Variants in NFIB observed in about 807,000 individuals in gnomAD.
NFIB encodes the protein nuclear factor I B.
In NFIB, 11 loss-of-function variants were observed where a neutral mutation model predicts 61.5. The observed-to-expected ratio is 0.18, with a 90% CI of 0.11 to 0.30. The LOEUF is 0.30. NFIB is among the 10% of genes least tolerant of loss of function. The pLI, the probability that NFIB is intolerant of heterozygous loss-of-function variation, is 1.00. For missense variants in NFIB, 471 were observed against 608.9 expected (o/e 0.77, Z 2.38); for synonymous variants, 260 against 216.5 (o/e 1.20, Z -1.76).
At chr9:14,309,153 C>A (rs1048884469) in intron 1 of NFIB, among the ~76,000 whole-genome samples, 1 of 152,130 alleles carries the variant, frequency 6.6e-6, no homozygotes, top group African/African-American at 2.4e-5. Context: ...GGAATAAATT[C>A]TATTTAACAG....
chr9:14,145,403 A>G (rs1282173362), intron 6 of NFIB, among the ~76,000 whole-genome samples: 1 of 152,142 alleles, frequency 6.6e-6, no homozygotes. Flanking sequence ...GTTGTGCTAA[A>G]GGAGGTACAC....
chr9:14,264,933 C>T (rs2057076292), intron 2 of NFIB, among the ~76,000 whole-genome samples: 1 of 152,076 alleles, frequency 6.6e-6, no homozygotes, highest in Non-Finnish European at 1.5e-5. Context: ...GCCTGACACC[C>T]GTCTACTCAT....
chr9:14,106,525 T>C (rs751209035), intron 10 of NFIB, among the ~76,000 whole-genome samples: 1 of 152,078 alleles, frequency 6.6e-6, no homozygotes, highest in Non-Finnish European at 1.5e-5. Context: ...CTGTGGTCTC[T>C]GGAAAGAGAA....
intron 1 of NFIB, among the ~76,000 whole-genome samples, chr9:14,345,799 C>G (rs1054914916): frequency 2.1e-4 from 32 of 152,162 alleles, no homozygotes; most frequent in Admixed American, 7.9e-4. Flanking sequence ...TTTATCCTCC[C>G]CCTCACCTGT....
At chr9:14,448,134 G>A in the NFIB span, among the ~76,000 whole-genome samples, 1 of 152,156 alleles carries the variant, frequency 6.6e-6, no homozygotes, top group Admixed American at 6.5e-5. Flanking sequence ...ATTATACAGT[G>A]TGAAAATATG....
At chr9:14,129,511 T>A (rs1287071724) in intron 6 of NFIB, among the ~76,000 whole-genome samples, 1 of 152,046 alleles carries the variant, frequency 6.6e-6, no homozygotes, top group African/African-American at 2.4e-5. Context: ...ATTTTAATCA[T>A]GAACCAAACT....
At chr9:14,150,696 G>C (rs149696593) in intron 4 of NFIB, among the ~76,000 whole-genome samples, 2 of 151,694 alleles carry the variant, frequency 1.3e-5, no homozygotes, top group Non-Finnish European at 2.9e-5. Context: ...ACAGAGAACC[G>C]TTTCACAAAA....
intron 2 of NFIB, among the ~76,000 whole-genome samples, chr9:14,289,940 C>T (rs1289649261): frequency 6.6e-6 from 1 of 152,012 alleles, no homozygotes; most frequent in Non-Finnish European, 1.5e-5. Flanking sequence ...TAGTTCCTTG[C>T]ATAAATAAAT....
intron 2 of NFIB, among the ~76,000 whole-genome samples, chr9:14,297,530 A>C (rs1027084598): frequency 6.6e-6 from 1 of 152,226 alleles, no homozygotes; most frequent in African/African-American, 2.4e-5. Context: ...ACAAACAAAC[A>C]AACCAGAAAG....
the NFIB span, among the ~76,000 whole-genome samples, chr9:14,491,309 G>T: frequency 6.6e-6 from 1 of 152,028 alleles, no homozygotes; most frequent in African/African-American, 2.4e-5. Flanking sequence ...AAAAAATCAA[G>T]AAACAGATTT....
At chr9:14,473,598 G>A in the NFIB span, among the ~76,000 whole-genome samples, 5 of 152,082 alleles carry the variant, frequency 3.3e-5, no homozygotes, top group African/African-American at 7.2e-5. Flanking sequence ...GTCTCTTATC[G>A]GGCTCCCATT....
chr9:14,530,912 AAAG>A, the NFIB span, among the ~76,000 whole-genome samples: 1 of 152,216 alleles, frequency 6.6e-6, no homozygotes, highest in Admixed American at 6.5e-5. Flanking sequence ...GAAGAAAAAA[AAAG>A]AAGAAAAAGA....
intron 1 of NFIB, among the ~76,000 whole-genome samples, chr9:14,381,774 C>T (rs528397128): frequency 6.6e-6 from 1 of 152,346 alleles, no homozygotes; most frequent in African/African-American, 2.4e-5. Context: ...AGTGGAAATT[C>T]ACGTTTACTA....
rs2061224717 is a variant in NFIB at position 14,360,402 on chromosome 9, C to G, written c.108+38122G>C. Among the ~76,000 whole-genome samples the G allele has an allele frequency of 3.3e-5, 5 of 152,136 alleles. No individual in the cohort carries two copies. In the South Asian group the frequency reaches 1.0e-3, roughly 31 times the overall value. ...AAGTAATTTTATTATTTTTCCTAAA[C>G]AGAATTTGGTTAATGCACAATTAAA... is the stretch of plus-strand genomic sequence containing the variant. On this transcript the variant is annotated intron_variant, in intron 1 of 8. Coordinates refer to the NFIB transcript ENST00000380934.
rs574984207 is a variant in NFIB at position 14,305,472 on chromosome 9, T to C, written c.562+1517A>G. 7.2e-5 allele frequency among the ~76,000 whole-genome samples: 11 copies of C among 152,346 alleles called. No homozygotes were observed. The East Asian group carries it at 1.9e-3, about 27-fold the overall frequency. On this transcript the variant is annotated intron_variant, in intron 2 of 10. Transcript: ENST00000380953. ...CTGTCAATCAAATAAGTGTCATGTGTTACTGAGTTTTATTTTAGGACACAT... is the reference window on the plus strand; with the variant it reads ...CTGTCAATCAAATAAGTGTCATGTGCTACTGAGTTTTATTTTAGGACACAT...
the NFIB span, among the ~76,000 whole-genome samples, chr9:14,477,088 G>T: frequency 6.6e-6 from 1 of 152,138 alleles, no homozygotes; most frequent in Non-Finnish European, 1.5e-5. Context: ...AAAGGCAGAG[G>T]ATGTTTAAAA....
chr9:14,468,766 T>A, the NFIB span, among the ~76,000 whole-genome samples: 1 of 152,230 alleles, frequency 6.6e-6, no homozygotes, highest in Non-Finnish European at 1.5e-5. Flanking sequence ...ATACATATTT[T>A]GTTAAATTCC....
chr9:14,338,048 T>A (rs1317939894), intron 1 of NFIB, among the ~76,000 whole-genome samples: 2 of 152,212 alleles, frequency 1.3e-5, no homozygotes, highest in Non-Finnish European at 2.9e-5. Context: ...CTTCTGGCTC[T>A]CTATGTGTAG....
At chr9:14,102,309 CA>C (rs2035900373) in intron 10 of NFIB, 1 of 911,472 alleles carries the variant, frequency 1.1e-6, no homozygotes, top group Non-Finnish European at 1.6e-6. Flanking sequence ...ATGGCATAGC[CA>C]AAACAACTAA....
Sources: gnomAD v4.1 joint callset for allele counts (sites outside exome capture counted in the v4.1 genomes callset) on GRCh38, gnomAD v4.1.1 for gene constraint, MANE v1.5 for transcripts, NCBI Gene and HGNC (gene_info 2026-07-23, HGNC 2026-07-21) for gene names.